ATP11C: variants seen among roughly 807,000 people sequenced by gnomAD.
ATP11C encodes ATPase phospholipid transporting 11C (ATP11C blood group), also known as phospholipid-transporting ATPase IG.
In ATP11C, 36 loss-of-function variants were observed where a neutral mutation model predicts 97.4. The observed-to-expected ratio is 0.37, with a 90% CI of 0.28 to 0.49. The LOEUF (loss-of-function observed/expected upper bound fraction) is 0.49. ATP11C is among the 20% of genes least tolerant of loss of function. ATP11C has a pLI of 0.98. For synonymous variants in ATP11C, 275 were observed against 290.9 expected, an observed-to-expected ratio of 0.95 and a Z score of 0.56; for missense variants, 730 against 824.6, an observed-to-expected ratio of 0.89 and a Z score of 1.40.
At position 139,750,045 on chromosome X, in the gene ATP11C, G is replaced by A. The variant is rs890040757; in HGVS notation, c.2808C>T (p.Thr936=). ...LEQHINIDTL[T]SDPRLYMKIS... is the part of the protein sequence containing the mutation. ...CTTACATATACAATCGGGGATCTGA[G>A]GTCAGAGTGTCAATGTTGATGTGCT... Residue 936 remains threonine, a synonymous_variant, in exon 24 of 30, where the codon ACC becomes ACT. Coordinates refer to ENST00000682941, the MANE Select transcript of ATP11C (RefSeq NM_001353812.2). The A allele has an allele frequency of 3.3e-6, 4 of 1,203,383 alleles. No homozygotes were observed. Among genetic ancestry groups the A allele is most frequent in the Non-Finnish European group, 4.5e-6 (4 of 889,628 alleles).
At chrX:139,756,975 A>G (rs1296380143) in intron 23 of ATP11C, among the ~76,000 whole-genome samples, 3 of 104,024 alleles carry the variant, frequency 2.9e-5, no homozygotes, top group African/African-American at 1.1e-4. Flanking sequence ...AAGTAAAAAA[A>G]AAAAAAAAAA....
chrX:139,897,628 G>A (rs891945221), intron 1 of ATP11C, among the ~76,000 whole-genome samples: 1 of 106,400 alleles, frequency 9.4e-6, no homozygotes, highest in East Asian at 3.0e-4. Flanking sequence ...CTGAGATGGC[G>A]CCACTGCATT....
intron 1 of ATP11C, among the ~76,000 whole-genome samples, chrX:139,836,240 G>C (rs1457293939): frequency 9.0e-6 from 1 of 110,519 alleles, no homozygotes; most frequent in Admixed American, 9.6e-5. Flanking sequence ...TTTGGGCCGG[G>C]CACGGTGGCT....
In ATP11C at chrX:139,775,828, C is replaced by T. The variant is rs752606804; in HGVS notation, c.1953-875G>A. Reference sequence around the variant, plus strand: ...AGACCCAAACTTAGAGGGCAGGAACCACTGTGTTTGTGCTGCTGTAGTGGG... The same window carrying T: ...AGACCCAAACTTAGAGGGCAGGAACTACTGTGTTTGTGCTGCTGTAGTGGG... On this transcript the variant is annotated intron_variant, in intron 18 of 29. Transcript: ENST00000682941. Among the ~76,000 whole-genome samples the T allele has an allele frequency of 6.2e-5, 7 of 112,773 alleles. No individual in the cohort carries two copies. The East Asian group carries it at 2.0e-3, about 32-fold the overall frequency.
intron 1 of ATP11C, among the ~76,000 whole-genome samples, chrX:139,827,476 G>A (rs1310456092): frequency 2.7e-5 from 3 of 111,299 alleles, no homozygotes; most frequent in African/African-American, 9.8e-5. Context: ...TTTTTAATAA[G>A]TAGACTCACC....
At position 139,861,182 on chromosome X, in the gene ATP11C, TAGAC is replaced by T. The variant is rs767066773; in HGVS notation, c.28-34363_28-34360del. On this transcript the variant is annotated intron_variant, in intron 1 of 29. Transcript: ENST00000682941. ...TCCCAAATTTTTGTTCTAGAAAACA[TAGAC>T]AGTCCAGCTTCAAATATGATATGAG... Among the ~76,000 whole-genome samples the T allele has an allele frequency of 1.4e-4, 16 of 111,917 alleles. No individual in the cohort carries two copies. The East Asian group carries it at 3.9e-3, about 28-fold the overall frequency.
chrX:139,780,232 G>A (rs2082422755), intron 18 of ATP11C, among the ~76,000 whole-genome samples: 1 of 110,278 alleles, frequency 9.1e-6, no homozygotes, highest in Admixed American at 9.7e-5. Flanking sequence ...TAAAAATTTG[G>A]CAAGGACACA....
At chrX:139,820,588 C>T (rs2147859164) in intron 2 of ATP11C, among the ~76,000 whole-genome samples, 1 of 109,376 alleles carries the variant, frequency 9.1e-6, no homozygotes, top group Non-Finnish European at 1.9e-5. Flanking sequence ...CAACCCTGGG[C>T]CATGGAGGGC....
intron 16 of ATP11C, among the ~76,000 whole-genome samples, chrX:139,784,768 C>T (rs1483423013): frequency 9.0e-6 from 1 of 111,198 alleles, no homozygotes; most frequent in East Asian, 2.8e-4. Flanking sequence ...TCTACCTCAC[C>T]TGTTTCCAGG....
chrX:139,840,482 A>G (rs774440333), intron 1 of ATP11C, among the ~76,000 whole-genome samples: 33 of 112,564 alleles, frequency 2.9e-4, no homozygotes, highest in Non-Finnish European at 5.2e-4. Context: ...AGCTATTTCT[A>G]TTTTTATAAA....
chrX:139,914,372 C>T (rs1286577471), intron 1 of ATP11C, among the ~76,000 whole-genome samples: 1 of 112,230 alleles, frequency 8.9e-6, no homozygotes. Context: ...TAGCAAACTA[C>T]AATTATTTAT....
At chrX:139,931,886 A>T in intron 1 of ATP11C, 130 bp downstream of exon 1, 1 of 812,475 alleles carries the variant, frequency 1.2e-6, no homozygotes, top group Non-Finnish European at 1.6e-6. Flanking sequence ...TTCGGTGAAA[A>T]GGAAGAAGAG....
intron 14 of ATP11C, 38 bp downstream of exon 14, chrX:139,788,154 T>C (rs778873349): frequency 8.8e-7 from 1 of 1,130,872 alleles, no homozygotes; most frequent in South Asian, 2.1e-5. Flanking sequence ...TCCTGTGATT[T>C]CACTTTCTTA....
At chrX:139,840,332 C>T (rs950229627) in intron 1 of ATP11C, among the ~76,000 whole-genome samples, 7 of 112,343 alleles carry the variant, frequency 6.2e-5, no homozygotes, top group Non-Finnish European at 1.3e-4. Context: ...CACTTTAGTT[C>T]ATTAAACATA....
chrX:139,802,665 T>G (rs2147790074), intron 6 of ATP11C, among the ~76,000 whole-genome samples: 1 of 111,947 alleles, frequency 8.9e-6, no homozygotes, highest in African/African-American at 3.2e-5. Flanking sequence ...ATACATTTAT[T>G]TTTTTTCCTA....
chrX:139,778,610 C>A (rs1398750949), intron 18 of ATP11C, among the ~76,000 whole-genome samples: 1 of 111,752 alleles, frequency 8.9e-6, no homozygotes, highest in African/African-American at 3.3e-5. Context: ...AGGAGGATCA[C>A]CTGACGTCAT....
chrX:139,891,197 CAAAAAAAAAAAAA>C (rs35280856), intron 1 of ATP11C, among the ~76,000 whole-genome samples: 2 of 35,498 alleles, frequency 5.6e-5, no homozygotes, highest in Admixed American at 3.8e-4. Context: ...AGAGATTGGC[CAAAAAAAAAAAAA>C]AAAAAAAAAG....
At chrX:139,813,685 A>C (rs1203542341) in intron 5 of ATP11C, among the ~76,000 whole-genome samples, 2 of 111,703 alleles carry the variant, frequency 1.8e-5, no homozygotes, top group African/African-American at 3.3e-5. Flanking sequence ...TATGATTCTA[A>C]ATATGTGACA....
intron 18 of ATP11C, among the ~76,000 whole-genome samples, chrX:139,780,480 T>C (rs1289534184): frequency 1.9e-5 from 2 of 105,642 alleles, no homozygotes. Flanking sequence ...GCAGAAAAAA[T>C]ATTCAATAAA....
Sources: allele counts gnomAD v4.1 joint callset (sites outside exome capture counted in the v4.1 genomes callset), GRCh38; gene constraint gnomAD v4.1.1; transcripts MANE v1.5; gene names NCBI Gene and HGNC (gene_info 2026-07-23, HGNC 2026-07-21).